The following ZPBP variants were observed in gnomAD, a reference collection of about 807,000 sequenced individuals.
The protein encoded by ZPBP is zona pellucida binding protein, also known as zona pellucida-binding protein 1.
In ZPBP, 26 loss-of-function variants were observed where a neutral mutation model predicts 44.8. The observed-to-expected ratio is 0.58, with a 90% CI of 0.43 to 0.81. The LOEUF is 0.81. Ranked by LOEUF, ZPBP falls within the 30% of genes least tolerant of loss-of-function variation. The probability of loss-of-function intolerance (pLI) is 0.00; values close to 1 mark genes in which losing one functional copy is unlikely to be tolerated. For synonymous variants in ZPBP, 174 were observed against 153.2 expected (o/e 1.14, Z -1.00); for missense variants, 409 against 434.0 (o/e 0.94, Z 0.51).
chr7:49,956,282 G>T (rs949486300), intron 7 of ZPBP, among the ~76,000 whole-genome samples: 2 of 151,760 alleles, frequency 1.3e-5, no homozygotes, highest in African/African-American at 4.8e-5. Context: ...ATATAACACT[G>T]AAATTAATGG....
chr7:49,874,563 T>C (rs1292087549), intron 2 of ZPBP, among the ~76,000 whole-genome samples: 1 of 152,112 alleles, frequency 6.6e-6, no homozygotes, highest in Non-Finnish European at 1.5e-5. Context: ...TGTGTGTGTG[T>C]GTGTGTGTAT....
intron 2 of ZPBP, among the ~76,000 whole-genome samples, chr7:49,859,379 T>C (rs533365349): frequency 1.3e-5 from 2 of 152,360 alleles, no homozygotes; most frequent in Admixed American, 1.3e-4. Context: ...TGTTCTCATA[T>C]ATATCCTCCT....
intron 7 of ZPBP, among the ~76,000 whole-genome samples, chr7:49,952,425 A>T (rs1338291707): frequency 6.6e-6 from 1 of 152,022 alleles, no homozygotes; most frequent in African/African-American, 2.4e-5. Context: ...CACAATATAT[A>T]CAAAGAACTC....
intron 3 of ZPBP, among the ~76,000 whole-genome samples, chr7:50,072,294 A>C (rs894604419): frequency 1.3e-5 from 2 of 152,228 alleles, no homozygotes; most frequent in Non-Finnish European, 2.9e-5. Context: ...TAGAATGGGA[A>C]GGAGTGTGTC....
At chr7:49,901,982 A>G (rs763116578) in intron 1 of ZPBP, among the ~76,000 whole-genome samples, 2 of 147,654 alleles carry the variant, frequency 1.4e-5, no homozygotes, top group African/African-American at 2.7e-5. Flanking sequence ...CTGAGCATCC[A>G]CATGTGAAAA....
chr7:49,981,448 T>G (rs1796921202), intron 7 of ZPBP, among the ~76,000 whole-genome samples: 1 of 50,986 alleles, frequency 2.0e-5, no homozygotes, highest in Non-Finnish European at 3.0e-5. Flanking sequence ...ATATATATTA[T>G]GTACATATAA....
chr7:49,896,223 C>T (rs919950638), intron 2 of ZPBP, among the ~76,000 whole-genome samples: 1 of 152,094 alleles, frequency 6.6e-6, no homozygotes, highest in South Asian at 2.1e-4. Context: ...TGCCTGTAGT[C>T]CCAGCTACTC....
intron 2 of ZPBP, among the ~76,000 whole-genome samples, chr7:49,879,451 G>A (rs957984433): frequency 5.3e-5 from 8 of 152,152 alleles, no homozygotes; most frequent in African/African-American, 1.9e-4. Context: ...GTACCAGACA[G>A]CATGCCATGT....
intron 7 of ZPBP, among the ~76,000 whole-genome samples, chr7:49,946,616 T>G (rs1795114237): frequency 6.6e-6 from 1 of 152,192 alleles, no homozygotes; most frequent in Non-Finnish European, 1.5e-5. Context: ...TTGCTGCTTT[T>G]AGGATCCATT....
intron 7 of ZPBP, among the ~76,000 whole-genome samples, chr7:49,965,016 C>T (rs1310185944): frequency 6.6e-6 from 1 of 152,074 alleles, no homozygotes; most frequent in Non-Finnish European, 1.5e-5. Flanking sequence ...CTTGAAAACA[C>T]CAAGAATGAC....
At chr7:49,887,887 T>C (rs1791967953) in intron 2 of ZPBP, among the ~76,000 whole-genome samples, 1 of 152,264 alleles carries the variant, frequency 6.6e-6, no homozygotes, top group Non-Finnish European at 1.5e-5. Flanking sequence ...AGCTGCTGGT[T>C]TCTTCCTTGC....
At chr7:49,982,980 G>T (rs920167165) in intron 7 of ZPBP, among the ~76,000 whole-genome samples, 1 of 151,928 alleles carries the variant, frequency 6.6e-6, no homozygotes, top group Admixed American at 6.6e-5. Flanking sequence ...AAGTCACAAA[G>T]ATATCTACTG....
At chr7:50,041,531 C>T (rs1265834813) in intron 4 of ZPBP, among the ~76,000 whole-genome samples, 1 of 152,144 alleles carries the variant, frequency 6.6e-6, no homozygotes. Flanking sequence ...CTCGAGTGGA[C>T]CTCCTGCAAA....
chr7:50,028,836 T>C (rs1451778911), intron 5 of ZPBP, among the ~76,000 whole-genome samples: 1 of 110,796 alleles, frequency 9.0e-6, no homozygotes, highest in Non-Finnish European at 1.8e-5. Context: ...TGAAAGAAAT[T>C]ACACAAGTTC....
At chr7:49,947,755 G>A (rs947943097) in intron 7 of ZPBP, among the ~76,000 whole-genome samples, 4 of 152,208 alleles carry the variant, frequency 2.6e-5, no homozygotes, top group African/African-American at 7.2e-5. Flanking sequence ...TCTACAATAA[G>A]CAGGTAGTGA....
chr7:50,058,882 A>T (rs1242266968), intron 3 of ZPBP, among the ~76,000 whole-genome samples: 2 of 152,194 alleles, frequency 1.3e-5, no homozygotes, highest in East Asian at 3.9e-4. Flanking sequence ...TTGGGGTTTG[A>T]GACCTACCTT....
chr7:49,893,432 G>C (rs1450197736), intron 2 of ZPBP, among the ~76,000 whole-genome samples: 2 of 152,178 alleles, frequency 1.3e-5, no homozygotes, highest in South Asian at 4.1e-4. Context: ...TTCTTCCATA[G>C]AGACAAAATT....
chr7:49,985,782 T>C (rs1735002311), intron 6 of ZPBP, among the ~76,000 whole-genome samples: 1 of 152,172 alleles, frequency 6.6e-6, no homozygotes, highest in South Asian at 2.1e-4. Flanking sequence ...TGTGCAGATG[T>C]GGGAACCTGC....
At chr7:49,902,525 T>C (rs1314537552) in intron 1 of ZPBP, among the ~76,000 whole-genome samples, 1 of 142,828 alleles carries the variant, frequency 7.0e-6, no homozygotes, top group Non-Finnish European at 1.5e-5. Flanking sequence ...TTTTAACAAA[T>C]GACACTGTAA....
Sources: gnomAD v4.1 joint callset for allele counts (sites outside exome capture counted in the v4.1 genomes callset) on GRCh38, gnomAD v4.1.1 for gene constraint, MANE v1.5 for transcripts, NCBI Gene and HGNC (gene_info 2026-07-23, HGNC 2026-07-21) for gene names.